The following KPNA4 variants were observed in gnomAD, a reference collection of about 807,000 sequenced individuals.
KPNA4 encodes importin subunit alpha-3.
In KPNA4, 13 loss-of-function variants were observed where a neutral mutation model predicts 71.3. The observed-to-expected ratio is 0.18, with a 90% CI of 0.12 to 0.29. The LOEUF is 0.29. Ranked by LOEUF, KPNA4 falls within the 10% of genes least tolerant of loss-of-function variation. The probability of loss-of-function intolerance (pLI) is 1.00; values close to 1 mark genes in which losing one functional copy is unlikely to be tolerated. For missense variants in KPNA4, 334 were observed against 603.2 expected, an observed-to-expected ratio of 0.55 and a Z score of 4.67; for synonymous variants, 189 against 195.2, an observed-to-expected ratio of 0.97 and a Z score of 0.26.
intron 1 of KPNA4, among the ~76,000 whole-genome samples, chr3:160,550,191 T>A (rs1473257848): frequency 1.3e-5 from 2 of 152,232 alleles, no homozygotes; most frequent in African/African-American, 4.8e-5. Context: ...TTGGATGTCT[T>A]TCATTTCTTT....
At position 160,501,496 on chromosome 3, in the gene KPNA4, T is replaced by C. The variant is rs2108541274; in HGVS notation, c.*608A>G. The C allele has an allele frequency of 6.6e-6, 1 of 152,642 alleles. No individual in the cohort carries two copies. Among genetic ancestry groups the C allele is most frequent in the East Asian group, 1.9e-4 (1 of 5,196 alleles). 9.5% of individuals were successfully genotyped at this position (152,642 alleles called of 1,614,324 possible). A position where few individuals can be genotyped will look rare whatever the true frequency, so the allele number is the denominator to read the frequency against. On this transcript the variant is annotated 3_prime_UTR_variant, in exon 17 of 17. Coordinates refer to ENST00000334256, the MANE Select transcript of KPNA4 (RefSeq NM_002268.5). ...CCCCTGAAGGTGAATCAAGCTTGCA[T>C]GCGTTCACATACAGCACCACAACCA...
chr3:160,508,061 C>A, intron 15 of KPNA4, 46 bp downstream of exon 15: 1 of 1,447,778 alleles, frequency 6.9e-7, no homozygotes, highest in Non-Finnish European at 9.4e-7. Flanking sequence ...AAGGTAGTTA[C>A]AAAGAGAACA....
chr3:160,546,782 G>A (rs1382827664), intron 1 of KPNA4, among the ~76,000 whole-genome samples: 1 of 151,772 alleles, frequency 6.6e-6, no homozygotes, highest in Non-Finnish European at 1.5e-5. Flanking sequence ...TATTTAATAT[G>A]CTTAAAATAC....
intron 8 of KPNA4, among the ~76,000 whole-genome samples, chr3:160,527,668 T>C (rs751692948): frequency 3.9e-5 from 6 of 152,028 alleles, no homozygotes; most frequent in Non-Finnish European, 8.8e-5. Flanking sequence ...GAAGAAAAAA[T>C]GGATCCTAGC....
Position 160,518,855 on chromosome 3 carries a change from T to TCA in KPNA4, c.903+2922_903+2923dup, listed in dbSNP as rs918089849. Among the ~76,000 whole-genome samples the TCA allele has an allele frequency of 4.6e-5, 7 of 151,946 alleles. 1 individual carries two copies. The highest frequency in any genetic ancestry group is 4.2e-4 in the South Asian group (2 of 4,812). On this transcript the variant is annotated intron_variant, in intron 11 of 16. Coordinates refer to ENST00000334256, the MANE Select transcript of KPNA4 (RefSeq NM_002268.5). ...CAGCCTGGGCAACAGAGCAAGACTC[T>TCA]CACACACACACACAAAAAAAGTAAA...
rs766188509 is a variant in KPNA4, at chr3:160,535,701, A to T, written c.205-11T>A. Reference sequence around the variant, plus strand: ...TAGAGAGGTATTTTGCTGGGAAAAAAGTTAAAGAGAAAACTCAGTTAAAAA... The same window carrying T: ...TAGAGAGGTATTTTGCTGGGAAAAATGTTAAAGAGAAAACTCAGTTAAAAA... On this transcript the variant is annotated splice_polypyrimidine_tract_variant and intron_variant, in intron 3 of 16. Coordinates refer to ENST00000334256, the MANE Select transcript of KPNA4 (RefSeq NM_002268.5). 4 of 1,573,550 alleles carry T rather than the reference A, an allele frequency of 2.5e-6. No individual in the cohort carries two copies. The highest frequency in any genetic ancestry group is 3.4e-6 in the Non-Finnish European group (4 of 1,169,818).
intron 1 of KPNA4, among the ~76,000 whole-genome samples, chr3:160,562,670 C>T (rs1177018090): frequency 1.3e-5 from 2 of 152,144 alleles, no homozygotes; most frequent in Non-Finnish European, 2.9e-5. Context: ...CAAAGTATGA[C>T]TTTCTATTAG....
chr3:160,501,038 T>C lies in KPNA4; in HGVS notation c.*1066A>G, dbSNP rs2108541015. 1 of 152,692 alleles carries C rather than the reference T, an allele frequency of 6.5e-6. No homozygotes were observed. Among genetic ancestry groups the C allele is most frequent in the Middle Eastern group, 3.4e-3 (1 of 294 alleles). 9.5% of individuals were successfully genotyped at this position (152,692 alleles called of 1,614,324 possible). A position where few individuals can be genotyped will look rare whatever the true frequency, so the allele number is the denominator to read the frequency against. On this transcript the variant is annotated 3_prime_UTR_variant, in exon 17 of 17. Transcript: ENST00000334256. ...TCTGAAAATGAAAAGGATGGCCTTT[T>C]AAGCACATTTTACTGTTTTATACTA...
Position 160,565,355 on chromosome 3 carries a change from T to G in KPNA4, c.-73A>C, listed in dbSNP as rs546580887. Reference sequence around the variant, plus strand: ...CCCAACCAACGCGCCGCACCGACACTCCCAGGAACCGGGCCGCCGCCTGAG... The same window carrying G: ...CCCAACCAACGCGCCGCACCGACACGCCCAGGAACCGGGCCGCCGCCTGAG... On this transcript the variant is annotated 5_prime_UTR_variant, in exon 1 of 17. Transcript: ENST00000334256. 1.5e-6 allele frequency: 2 copies of G among 1,290,778 alleles called. No homozygotes were observed. Among genetic ancestry groups the G allele is most frequent in the East Asian group, 2.6e-5 (1 of 38,902 alleles). 80.0% of individuals were successfully genotyped at this position (1,290,778 alleles called of 1,614,324 possible). A position where few individuals can be genotyped will look rare whatever the true frequency, so the allele number is the denominator to read the frequency against.
In KPNA4 at chr3:160,508,223, A is replaced by G; in HGVS notation, c.1256T>C (p.Leu419Ser). Residue 419 changes from leucine (L) to serine (S), a missense_variant, in exon 15 of 17, where the codon TTG becomes TCG. Coordinates refer to ENST00000334256, the MANE Select transcript of KPNA4 (RefSeq NM_002268.5). ...AACTTGTGCATCTTTTACAGTCAGC[A>G]AGTTGCAAAAAGGTGGGATAACATT... ...QQNVIPPFCN[L>S]LTVKDAQVVQ... The G allele has an allele frequency of 6.2e-7, 1 of 1,611,484 alleles. No homozygotes were observed. Among genetic ancestry groups the G allele is most frequent in the Non-Finnish European group, 8.5e-7 (1 of 1,179,056 alleles).
At chr3:160,562,029 T>TTAAAC (rs1722254537) in intron 1 of KPNA4, among the ~76,000 whole-genome samples, 4 of 152,230 alleles carry the variant, frequency 2.6e-5, no homozygotes, top group Non-Finnish European at 4.4e-5. Context: ...AGAGATCAAA[T>TTAAAC]TAAACTAAAC....
At chr3:160,550,434 T>G (rs1262818840) in intron 1 of KPNA4, among the ~76,000 whole-genome samples, 1 of 152,186 alleles carries the variant, frequency 6.6e-6, no homozygotes. Flanking sequence ...GTTTTTATTT[T>G]ATTTTTTCTT....
At chr3:160,541,081 A>T (rs56156703) in intron 1 of KPNA4, among the ~76,000 whole-genome samples, 68,231 of 151,936 alleles carry the variant, frequency 0.45, 15,762 homozygotes, top group Non-Finnish European at 0.5. Flanking sequence ...CTAAACACTT[A>T]CCCTGCTTTA....
intron 1 of KPNA4, among the ~76,000 whole-genome samples, chr3:160,550,646 A>T (rs1722022074): frequency 6.6e-6 from 1 of 152,148 alleles, no homozygotes; most frequent in African/African-American, 2.4e-5. Context: ...GGCTTTTCAT[A>T]TATGGCCCTT....
intron 1 of KPNA4, among the ~76,000 whole-genome samples, chr3:160,557,874 G>A (rs536177251): frequency 6.6e-6 from 1 of 151,780 alleles, no homozygotes; most frequent in Non-Finnish European, 1.5e-5. Context: ...TAGAGACAAG[G>A]TCTCACCATA....
At chr3:160,516,442 T>TTAA (rs761386274) in intron 11 of KPNA4, among the ~76,000 whole-genome samples, 70 of 145,476 alleles carry the variant, frequency 4.8e-4, no homozygotes, top group South Asian at 8.8e-4. Flanking sequence ...GATAGTGCCA[T>TTAA]AAAAAAAAAA....
chr3:160,535,960 AAT>A (rs1721685190), intron 2 of KPNA4, 63 bp from the exon 3 acceptor site: 2 of 1,129,740 alleles, frequency 1.8e-6, no homozygotes, highest in Middle Eastern at 3.3e-4. Context: ...AGAAAACCTG[AAT>A]ACTTTCATAC....
At chr3:160,545,530 G>A (rs978361482) in intron 1 of KPNA4, among the ~76,000 whole-genome samples, 1 of 152,186 alleles carries the variant, frequency 6.6e-6, no homozygotes, top group Non-Finnish European at 1.5e-5. Context: ...TTTAAATAAA[G>A]ACCTTGAGAA....
intron 1 of KPNA4, among the ~76,000 whole-genome samples, chr3:160,562,496 G>A (rs2108563538): frequency 6.6e-6 from 1 of 152,282 alleles, no homozygotes; most frequent in South Asian, 2.1e-4. Flanking sequence ...TGTTTAGAGA[G>A]ATACAGCATA....
Sources: allele counts gnomAD v4.1 joint callset (sites outside exome capture counted in the v4.1 genomes callset), GRCh38; gene constraint gnomAD v4.1.1; transcripts MANE v1.5; gene names NCBI Gene and HGNC (gene_info 2026-07-23, HGNC 2026-07-21).